The following THSD7A variants were observed in gnomAD, a reference collection of about 807,000 sequenced individuals.
THSD7A encodes the protein thrombospondin type 1 domain containing 7A, also known as thrombospondin type-1 domain-containing protein 7A.
Under a neutral mutation model 231.3 loss-of-function variants are expected in THSD7A, and 96 were observed. The observed-to-expected ratio is 0.41, with a 90% CI of 0.35 to 0.49. THSD7A has a LOEUF of 0.49. Among genes scored for constraint, THSD7A ranks in the 20% least tolerant of loss-of-function variants. The probability of loss-of-function intolerance (pLI) is 0.05; values close to 1 mark genes in which losing one functional copy is unlikely to be tolerated. For missense variants in THSD7A, 2,290 were observed against 2,070.2 expected (o/e 1.11, Z -2.06); for synonymous variants, 940 against 743.3 (o/e 1.26, Z -4.30).
chr7:11,706,630 C>CTTTTTTTTTTTTTGT (rs1780777053), intron 1 of THSD7A, among the ~76,000 whole-genome samples: 1 of 66,420 alleles, frequency 1.5e-5, no homozygotes. Context: ...TAACAAGGTG[C>CTTTTTTTTTTTTTGT]TTTTTTTTTT....
chr7:11,593,456 TCA>T lies in THSD7A; in HGVS notation c.1067_1068del (p.Val356AspfsTer22). The T allele has an allele frequency of 6.2e-7, 1 of 1,614,012 alleles. No individual in the cohort carries two copies. Among genetic ancestry groups the T allele is most frequent in the Non-Finnish European group, 8.5e-7 (1 of 1,179,882 alleles). On this transcript the variant is annotated frameshift_variant, in exon 3 of 28. Coordinates refer to ENST00000423059, the MANE Select transcript of THSD7A (RefSeq NM_015204.3). LOFTEE classifies it high-confidence loss of function. ...EKLPMTFQSC[V>X]ITKECQVSEW... ...TCGGAAACCTGGCACTCTTTGGTGA[TCA>T]CACAGGACTGGAAGGTCATTGGAAG...
chr7:11,673,240 C>T (rs112316491), intron 1 of THSD7A, among the ~76,000 whole-genome samples: 9 of 152,202 alleles, frequency 5.9e-5, no homozygotes, highest in African/African-American at 1.9e-4. Context: ...CACCATATTG[C>T]TGTTGTGGAC....
At chr7:11,627,350 T>C (rs932673428) in intron 2 of THSD7A, among the ~76,000 whole-genome samples, 1 of 152,050 alleles carries the variant, frequency 6.6e-6, no homozygotes, top group Non-Finnish European at 1.5e-5. Context: ...CATATAAATA[T>C]ATATGTGTTG....
At chr7:11,782,597 A>G (rs1277168201) in intron 1 of THSD7A, among the ~76,000 whole-genome samples, 2 of 152,196 alleles carry the variant, frequency 1.3e-5, no homozygotes, top group African/African-American at 2.4e-5. Context: ...AACAGTGATC[A>G]TCACCGAAAT....
chr7:11,508,413 G>A (rs1291137393), intron 6 of THSD7A, among the ~76,000 whole-genome samples: 2 of 151,678 alleles, frequency 1.3e-5, no homozygotes, highest in Non-Finnish European at 2.9e-5. Flanking sequence ...AAAGGCAAAG[G>A]CAAAGCAAAA....
chr7:11,462,026 G>A lies in THSD7A; in HGVS notation c.2486C>T (p.Ala829Val), dbSNP rs752421527. The change falls in exon 10 of 28, where the codon GCG (alanine) becomes GTG (valine). Residue 829 changes from alanine (A) to valine (V), a missense_variant. Coordinates refer to ENST00000423059, the MANE Select transcript of THSD7A (RefSeq NM_015204.3). ...YEEKACEAPQ[A>V]CQSYRWKTHK... ...CTAACCCTACCTGTAGCTTTGGCAC[G>A]CTTGAGGTGCCTCACAGGCCTTCTC... 150 of 1,613,430 alleles carry A rather than the reference G, an allele frequency of 9.3e-5. No individual in the cohort carries two copies. The highest frequency in any genetic ancestry group is 1.1e-4 in the Non-Finnish European group (128 of 1,179,612).
At chr7:11,575,296 T>C (rs995697410) in intron 4 of THSD7A, among the ~76,000 whole-genome samples, 1 of 152,192 alleles carries the variant, frequency 6.6e-6, no homozygotes, top group African/African-American at 2.4e-5. Context: ...TTGTTAACAC[T>C]GGGTCTTTCT....
At chr7:11,533,491 C>T (rs1389649636) in intron 6 of THSD7A, among the ~76,000 whole-genome samples, 2 of 152,050 alleles carry the variant, frequency 1.3e-5, no homozygotes, top group Non-Finnish European at 2.9e-5. Flanking sequence ...TGGAACCAAC[C>T]CAAATGTCCA....
At position 11,828,071 on chromosome 7, in the gene THSD7A, C is replaced by T. The variant is rs143634193; in HGVS notation, c.190+3686G>A. 3.0e-3 allele frequency among the ~76,000 whole-genome samples: 460 copies of T among 152,336 alleles called. 3 individuals are homozygous for T. The highest frequency in any genetic ancestry group is 0.01 in the African/African-American group (417 of 41,572). ...CCTTTGCCTCTCAGTCAACGACTCACGTCACTGGCCTTCCAGCTTCTAAAC... is the reference window on the plus strand; with the variant it reads ...CCTTTGCCTCTCAGTCAACGACTCATGTCACTGGCCTTCCAGCTTCTAAAC... On this transcript the variant is annotated intron_variant, in intron 1 of 27. Transcript: ENST00000423059.
At chr7:11,717,862 T>C (rs1781196748) in intron 1 of THSD7A, among the ~76,000 whole-genome samples, 1 of 151,672 alleles carries the variant, frequency 6.6e-6, no homozygotes, top group African/African-American at 2.4e-5. Context: ...ATATATCTCA[T>C]GGGGATATGG....
At chr7:11,657,851 G>C (rs913562841) in intron 1 of THSD7A, among the ~76,000 whole-genome samples, 2 of 151,716 alleles carry the variant, frequency 1.3e-5, no homozygotes, top group African/African-American at 4.8e-5. Context: ...GCAAGAATGA[G>C]CAGAAGGTAG....
At chr7:11,476,818 G>GAA (rs1332378526) in intron 7 of THSD7A, among the ~76,000 whole-genome samples, 6 of 83,894 alleles carry the variant, frequency 7.2e-5, no homozygotes, top group East Asian at 3.4e-4. Flanking sequence ...CCGTCTCAGA[G>GAA]AAAAAAAAAA....
At chr7:11,668,854 T>C (rs1783260836) in intron 1 of THSD7A, among the ~76,000 whole-genome samples, 1 of 152,202 alleles carries the variant, frequency 6.6e-6, no homozygotes, top group Non-Finnish European at 1.5e-5. Context: ...GGCTGGGCGC[T>C]ACTGGTTACT....
chr7:11,371,091 G>T lies in THSD7A; in HGVS notation c.*4703C>A, dbSNP rs147403756. Reference sequence around the variant, plus strand: ...CACAAACTAAAGCTCTTCATATACTGCCCATTTTTAAGATCTGACTTGGTA... The same window carrying T: ...CACAAACTAAAGCTCTTCATATACTTCCCATTTTTAAGATCTGACTTGGTA... On this transcript the variant is annotated 3_prime_UTR_variant, in exon 28 of 28. Transcript: ENST00000423059. 2 of 152,140 alleles carry T rather than the reference G, an allele frequency of 1.3e-5. No individual in the cohort carries two copies. The highest frequency in any genetic ancestry group is 4.8e-5 in the African/African-American group (2 of 41,496). 9.4% of individuals were successfully genotyped at this position (152,140 alleles called of 1,614,324 possible).
chr7:11,473,390 G>A (rs1786015008), intron 8 of THSD7A, among the ~76,000 whole-genome samples: 1 of 152,086 alleles, frequency 6.6e-6, no homozygotes, highest in African/African-American at 2.4e-5. Flanking sequence ...TGCAAAAACT[G>A]TTGGCCAGAG....
chr7:11,515,616 T>C (rs1295010963), intron 6 of THSD7A, among the ~76,000 whole-genome samples: 5 of 152,112 alleles, frequency 3.3e-5, no homozygotes, highest in Admixed American at 6.6e-5. Context: ...GCTATTGTCA[T>C]AGAAAATTAA....
chr7:11,578,296 C>T (rs375896801), intron 4 of THSD7A, among the ~76,000 whole-genome samples: 1 of 152,118 alleles, frequency 6.6e-6, no homozygotes, highest in African/African-American at 2.4e-5. Flanking sequence ...ACATATGTTA[C>T]ATATGTCATC....
intron 6 of THSD7A, among the ~76,000 whole-genome samples, chr7:11,491,236 G>A (rs958015764): frequency 3.3e-5 from 5 of 152,112 alleles, no homozygotes; most frequent in South Asian, 2.1e-4. Context: ...GCTAACTTAC[G>A]TAATTTTTGA....
chr7:11,694,532 T>C (rs1351425376), intron 1 of THSD7A, among the ~76,000 whole-genome samples: 1 of 151,558 alleles, frequency 6.6e-6, no homozygotes, highest in African/African-American at 2.4e-5. Flanking sequence ...CAAGTGATGC[T>C]ACCTTGCAGA....
Sources: allele counts gnomAD v4.1 joint callset (sites outside exome capture counted in the v4.1 genomes callset), GRCh38; gene constraint gnomAD v4.1.1; transcripts MANE v1.5; gene names NCBI Gene and HGNC (gene_info 2026-07-23, HGNC 2026-07-21).